Variants in ATP6V1E2 observed in about 807,000 individuals in gnomAD.
ATP6V1E2 encodes ATPase H+ transporting V1 subunit E2.
For missense variants in ATP6V1E2, 308 were observed against 273.3 expected (o/e 1.13, Z -0.90); for synonymous variants, 121 against 104.2 (o/e 1.16, Z -0.98).
At position 46,514,851 on chromosome 2, in the gene ATP6V1E2, A is replaced by G. The variant is rs575331441; in HGVS notation, c.-101-2039T>C. 2.0e-5 allele frequency among the ~76,000 whole-genome samples: 3 copies of G among 152,326 alleles called. No individual in the cohort carries two copies. The East Asian group carries it at 5.8e-4, about 29-fold the overall frequency. On this transcript the variant is annotated intron_variant, in intron 4 of 4. Coordinates refer to ENST00000522587, the MANE Select transcript of ATP6V1E2 (RefSeq NM_001318063.2). The stretch of plus-strand genomic sequence containing the variant: ...CCCAAAAAAGTCCTTATCAAGACAC[A>G]TTATAATCAAATTGTCAAAAGTCAA...
rs1184927072 is a variant in ATP6V1E2 at position 46,535,489 on chromosome 2, CAT to C, written c.-102+322_-102+323del. ...CTCAAGATAGAAACAGTGTCCGACA[CAT>C]GACTCAGGAACTAATTTGATGAGAA... On this transcript the variant is annotated intron_variant, in intron 4 of 4. Coordinates refer to ENST00000522587, the MANE Select transcript of ATP6V1E2 (RefSeq NM_001318063.2). This position sits in a 1 kb window ranked among gnomAD's most constrained non-coding sequence, Gnocchi z 4.4. 3 of 152,214 alleles carry C rather than the reference CAT, an allele frequency of 2.0e-5. No homozygotes were observed. Among genetic ancestry groups the C allele is most frequent in the Non-Finnish European group, 4.4e-5 (3 of 68,034 alleles). 9.4% of individuals were successfully genotyped at this position (152,214 alleles called of 1,614,324 possible). A position where few individuals can be genotyped will look rare whatever the true frequency, so the allele number is the denominator to read the frequency against.
rs190717395 is a variant in ATP6V1E2, at chr2:46,523,222, A to G, written c.-101-10410T>C. On this transcript the variant is annotated intron_variant, in intron 4 of 4. Coordinates refer to ENST00000522587, the MANE Select transcript of ATP6V1E2 (RefSeq NM_001318063.2). ...CTGATGATAGTTTCTTTTGCTGTGC[A>G]GAAGCTCTTTAGTTTAATTAGATCC... Among the ~76,000 whole-genome samples the G allele has an allele frequency of 4.8e-3, 737 of 152,298 alleles. 5 individuals are homozygous for G. Among genetic ancestry groups the G allele is most frequent in the African/African-American group, 0.017 (704 of 41,544 alleles).
Position 46,535,328 on chromosome 2 carries a change from A to C in ATP6V1E2, c.-102+485T>G, listed in dbSNP as rs996113203. The stretch of plus-strand genomic sequence containing the variant: ...TCCCTCTACATGAAGCACATTAATA[A>C]AGTGATCTGCTTCTCCAGTCTCTTC... On this transcript the variant is annotated intron_variant, in intron 4 of 4. Transcript: ENST00000522587. The surrounding 1 kb of genome is among the most constrained non-coding windows in gnomAD (Gnocchi z 4.4). The C allele has an allele frequency of 1.1e-4, 16 of 152,320 alleles. No individual in the cohort carries two copies. Among genetic ancestry groups the C allele is most frequent in the Middle Eastern group, 3.4e-3 (1 of 294 alleles). 9.4% of individuals were successfully genotyped at this position (152,320 alleles called of 1,614,324 possible).
Position 46,530,890 on chromosome 2 carries a change from G to T in ATP6V1E2, c.-102+4923C>A, listed in dbSNP as rs559546349. ...CAAGAACAGCACAGGAAAAACCCAA[G>T]CCCATGATTCAGTTACTTCCCACCG... is the stretch of plus-strand genomic sequence containing the variant. On this transcript the variant is annotated intron_variant, in intron 4 of 4. Coordinates refer to ENST00000522587, the MANE Select transcript of ATP6V1E2 (RefSeq NM_001318063.2). The surrounding 1 kb of genome is among the most constrained non-coding windows in gnomAD (Gnocchi z 5.2). 1.3e-5 allele frequency among the ~76,000 whole-genome samples: 2 copies of T among 152,190 alleles called. No individual in the cohort carries two copies. The highest frequency in any genetic ancestry group is 4.8e-5 in the African/African-American group (2 of 41,442).
rs1667422498 is a variant in ATP6V1E2 at position 46,535,953 on chromosome 2, T to G, written c.-216-26A>C. 6.6e-6 allele frequency: 1 copy of G among 152,198 alleles called. No homozygotes were observed. The highest frequency in any genetic ancestry group is 2.4e-5 in the African/African-American group (1 of 41,430). 9.4% of individuals were successfully genotyped at this position (152,198 alleles called of 1,614,324 possible). A position where few individuals can be genotyped will look rare whatever the true frequency, so the allele number is the denominator to read the frequency against. The stretch of plus-strand genomic sequence containing the variant: ...CTGAAACATAAAATAAAATCATTAA[T>G]TTCATTTTTGGAGGAGGGATCTGTG... On this transcript the variant is annotated intron_variant, in intron 3 of 4. Transcript: ENST00000522587. This position sits in a 1 kb window ranked among gnomAD's most constrained non-coding sequence, Gnocchi z 4.4.
chr2:46,515,159 G>A (rs913976106), intron 4 of ATP6V1E2, among the ~76,000 whole-genome samples: 1 of 152,130 alleles, frequency 6.6e-6, no homozygotes, highest in African/African-American at 2.4e-5. Flanking sequence ...TGAAACAGAA[G>A]GCCACTAGAC....
intron 4 of ATP6V1E2, among the ~76,000 whole-genome samples, chr2:46,514,297 A>T (rs944782156): frequency 2.6e-5 from 4 of 151,870 alleles, no homozygotes; most frequent in African/African-American, 7.3e-5. Context: ...TAAATAAATA[A>T]AAAGAAAAAA....
rs368048479 is a variant in ATP6V1E2 at position 46,527,657 on chromosome 2, C to T, written c.-102+8156G>A. Among the ~76,000 whole-genome samples, 274 of 152,278 alleles carry T rather than the reference C, an allele frequency of 1.8e-3. 4 individuals are homozygous for T. In the South Asian group the frequency reaches 0.03, roughly 16 times the overall value. ...CTGGGATTACAGGTGTGAGCCACCA[C>T]GCCTGGTCCTGGGTTTGTTGTTGTT... On this transcript the variant is annotated intron_variant, in intron 4 of 4. Coordinates refer to ENST00000522587, the MANE Select transcript of ATP6V1E2 (RefSeq NM_001318063.2).
At chr2:46,519,832 T>A (rs1185210100) in intron 4 of ATP6V1E2, 3 of 152,240 alleles carry the variant, frequency 2.0e-5, no homozygotes, top group Non-Finnish European at 2.9e-5. Context: ...TCATCATAGT[T>A]GTTCTGTGTG....
intron 4 of ATP6V1E2, among the ~76,000 whole-genome samples, chr2:46,516,947 C>G (rs1010471647): frequency 6.6e-6 from 1 of 152,132 alleles, no homozygotes; most frequent in African/African-American, 2.4e-5. Context: ...CTATCAAAAT[C>G]CTGATGCTGT....
chr2:46,512,324 G>C lies in ATP6V1E2; in HGVS notation c.388C>G (p.Pro130Ala). 1 of 1,613,090 alleles carries C rather than the reference G, an allele frequency of 6.2e-7. No homozygotes were observed. The highest frequency in any genetic ancestry group is 8.5e-7 in the Non-Finnish European group (1 of 1,179,412). Residue 130 changes from proline to alanine, a missense_variant, in exon 5 of 5, where the codon CCT becomes GCT. By Grantham distance (27) the Pro-to-Ala change is conservative (BLOSUM62 -1). Transcript: ENST00000522587. Reference protein sequence around the residue: ...VLQGLLRLLEPVMIVRCRPQD... With the variant: ...VLQGLLRLLEAVMIVRCRPQD... ...GGCCGGCAGCGTACAATCATCACAG[G>C]TTCCAGCAGTCGGAGCAGACCCTGG...
In ATP6V1E2 at chr2:46,530,068, G is replaced by A. The variant is rs768465275; in HGVS notation, c.-102+5745C>T. Among the ~76,000 whole-genome samples, 1 of 152,086 alleles carries A rather than the reference G, an allele frequency of 6.6e-6. No homozygotes were observed. The highest frequency in any genetic ancestry group is 1.5e-5 in the Non-Finnish European group (1 of 68,018). ...GTTGAAGGATATCCCTGACTGTAAG[G>A]CATCTGCTGGAAATTCCCACCTTTA... On this transcript the variant is annotated intron_variant, in intron 4 of 4. Coordinates refer to ENST00000522587, the MANE Select transcript of ATP6V1E2 (RefSeq NM_001318063.2). This position sits in a 1 kb window ranked among gnomAD's most constrained non-coding sequence, Gnocchi z 5.2.
intron 4 of ATP6V1E2, among the ~76,000 whole-genome samples, chr2:46,528,866 G>C (rs964238133): frequency 6.6e-6 from 1 of 152,220 alleles, no homozygotes; most frequent in African/African-American, 2.4e-5. Context: ...AAGTGAGAGA[G>C]AAATATCAGA....
chr2:46,540,952 C>G (rs576110091), intron 2 of ATP6V1E2, among the ~76,000 whole-genome samples: 1 of 152,306 alleles, frequency 6.6e-6, no homozygotes, highest in African/African-American at 2.4e-5. Context: ...ACTCTTAGCT[C>G]ACATTTATAG....
At chr2:46,539,503 T>A (rs187261562) in intron 2 of ATP6V1E2, among the ~76,000 whole-genome samples, 1 of 152,340 alleles carries the variant, frequency 6.6e-6, no homozygotes, top group Non-Finnish European at 1.5e-5. Flanking sequence ...AGCGTGTGGG[T>A]CAGATTTCTT....
rs370344471 is a variant in ATP6V1E2 at position 46,512,078 on chromosome 2, G to A, written c.634C>T (p.Arg212Ter). 12 of 1,612,804 alleles carry A rather than the reference G, an allele frequency of 7.4e-6. No individual in the cohort carries two copies. The highest frequency in any genetic ancestry group is 4.4e-5 in the South Asian group (4 of 90,832). ...GTGTTAGCACCAAACAAGGCCATTC[G>A]TATTTCTGGCATCTTTTGCTTGGCT... is the stretch of plus-strand genomic sequence containing the variant. ...LSAKQKMPEI[R>*]MALFGANTNR... is the part of the protein sequence containing the mutation. The change falls in exon 5 of 5, where the codon CGA becomes TGA. Residue 212 changes from arginine to a stop codon, truncating the protein, a stop_gained. Coordinates refer to ENST00000522587, the MANE Select transcript of ATP6V1E2 (RefSeq NM_001318063.2). LOFTEE classifies it high-confidence loss of function.
intron 4 of ATP6V1E2, among the ~76,000 whole-genome samples, chr2:46,513,955 G>A (rs528435891): frequency 8.0e-4 from 122 of 152,192 alleles, no homozygotes; most frequent in Non-Finnish European, 1.2e-3. Context: ...TTCCAAACCC[G>A]GATGTATATC....
rs150091012 is a variant in ATP6V1E2 at position 46,512,335 on chromosome 2, C to A, written c.377G>T (p.Arg126Leu). 1.9e-6 allele frequency: 3 copies of A among 1,613,350 alleles called. No individual in the cohort carries two copies. The highest frequency in any genetic ancestry group is 3.3e-5 in the Admixed American group (2 of 59,950). The change falls in exon 5 of 5, where the codon CGA (arginine) becomes CTA (leucine). Residue 126 changes from arginine to leucine, a missense_variant. Arg to Leu is a moderately radical substitution (Grantham distance 102, BLOSUM62 -2). Transcript: ENST00000522587. ...TACAATCATCACAGGTTCCAGCAGT[C>A]GGAGCAGACCCTGGAGCACCAGTTT... ...LDKLVLQGLLRLLEPVMIVRC... is the reference protein window; with the variant it reads ...LDKLVLQGLLLLLEPVMIVRC...
intron 4 of ATP6V1E2, among the ~76,000 whole-genome samples, chr2:46,523,083 GT>G (rs776096952): frequency 1.2e-4 from 18 of 150,572 alleles, no homozygotes; most frequent in African/African-American, 2.2e-4. Flanking sequence ...ACTTTTTGAT[GT>G]TTTTTTTTAA....
Sources: allele counts gnomAD v4.1 joint callset (sites outside exome capture counted in the v4.1 genomes callset), GRCh38; gene constraint gnomAD v4.1.1; non-coding constraint Gnocchi (gnomAD v3.1); transcripts MANE v1.5; gene names NCBI Gene and HGNC (gene_info 2026-07-23, HGNC 2026-07-21).